The following PTPRN2 variants were observed in gnomAD, a reference collection of about 807,000 sequenced individuals.
PTPRN2 encodes protein tyrosine phosphatase receptor type N2, also known as receptor-type tyrosine-protein phosphatase N2.
In PTPRN2, 74 loss-of-function variants were observed where a neutral mutation model predicts 118.8. The observed-to-expected ratio is 0.62, with a 90% CI of 0.52 to 0.76. The LOEUF is 0.76. Among genes scored for constraint, PTPRN2 ranks in the 30% least tolerant of loss-of-function variants. The pLI is 0.00. For synonymous variants in PTPRN2, 641 were observed against 608.0 expected (o/e 1.05, Z -0.80); for missense variants, 1,481 against 1,394.4 (o/e 1.06, Z -0.99).
intron 22 of PTPRN2, 77 bp downstream of exon 22, chr7:157,548,869 C>G: frequency 7.1e-7 from 1 of 1,398,656 alleles, no homozygotes; most frequent in Non-Finnish European, 1.0e-6. Context: ...CAGGCCCTCC[C>G]CGTGCTCCTC....
At chr7:157,799,284 C>T (rs773110666) in intron 12 of PTPRN2, among the ~76,000 whole-genome samples, 11 of 152,146 alleles carry the variant, frequency 7.2e-5, no homozygotes, top group Non-Finnish European at 1.6e-4. Context: ...CAGCCCTGCT[C>T]TCTGCTGTCA....
chr7:157,751,254 G>A (rs1006734770), intron 12 of PTPRN2, among the ~76,000 whole-genome samples: 2 of 152,202 alleles, frequency 1.3e-5, no homozygotes, highest in Non-Finnish European at 2.9e-5. Context: ...ATATCCCGAG[G>A]AGAGAGACAG....
In PTPRN2 at chr7:158,200,370, C is replaced by T. The variant is rs565409101; in HGVS notation, c.380+4801G>A. On this transcript the variant is annotated intron_variant, in intron 4 of 22. Transcript: ENST00000389418. Reference sequence around the variant, plus strand: ...ATCCACTAATGATGGACGCCGAGGACGAGCTGACGCAGCCCCCGTGTGCTA... The same window carrying T: ...ATCCACTAATGATGGACGCCGAGGATGAGCTGACGCAGCCCCCGTGTGCTA... Among the ~76,000 whole-genome samples, 27 of 152,312 alleles carry T rather than the reference C, an allele frequency of 1.8e-4. 1 individual carries two copies. In the South Asian group the frequency reaches 4.6e-3, roughly 26 times the overall value.
At chr7:158,171,268 C>CAT (rs1266622555) in intron 5 of PTPRN2, among the ~76,000 whole-genome samples, 5 of 97,454 alleles carry the variant, frequency 5.1e-5, no homozygotes, top group Admixed American at 3.3e-4. Context: ...TATATACACA[C>CAT]ATATATACAC....
In PTPRN2 at chr7:157,794,738, G is replaced by A. The variant is rs1295808086; in HGVS notation, c.1788+103935C>T. Among the ~76,000 whole-genome samples the A allele has an allele frequency of 1.3e-5, 2 of 152,214 alleles. No individual in the cohort carries two copies. Among genetic ancestry groups the A allele is most frequent in the Non-Finnish European group, 2.9e-5 (2 of 68,038 alleles). On this transcript the variant is annotated intron_variant, in intron 12 of 22. Coordinates refer to ENST00000389418, the MANE Select transcript of PTPRN2 (RefSeq NM_002847.5). The surrounding 1 kb of genome is among the most constrained non-coding windows in gnomAD (Gnocchi z 5.2). ...CCCAGCCTGAAACCACGATAAATGT[G>A]TGGAGTTGTGGAGACAGCTCACCAG...
At chr7:157,650,739 C>T (rs1318320079) in intron 14 of PTPRN2, among the ~76,000 whole-genome samples, 5 of 152,198 alleles carry the variant, frequency 3.3e-5, no homozygotes, top group African/African-American at 7.2e-5. Context: ...GCCAAGGCCC[C>T]GGCACTGGTG....
intron 1 of PTPRN2, among the ~76,000 whole-genome samples, chr7:158,497,622 C>T (rs1822047794): frequency 6.6e-6 from 1 of 152,194 alleles, no homozygotes. Flanking sequence ...GATGGGTGCC[C>T]CATCCTGAGG....
chr7:158,149,378 G>A (rs182800766), intron 6 of PTPRN2, among the ~76,000 whole-genome samples: 74 of 151,642 alleles, frequency 4.9e-4, no homozygotes, highest in East Asian at 1.7e-3. Context: ...AATCTAACCA[G>A]TGTCTTTTCA....
intron 11 of PTPRN2, among the ~76,000 whole-genome samples, chr7:157,946,010 G>A (rs529176897): frequency 5.9e-5 from 9 of 152,214 alleles, no homozygotes; most frequent in South Asian, 4.2e-4. Context: ...TCTCAGTTCC[G>A]ACAGTGTGAG....
intron 13 of PTPRN2, among the ~76,000 whole-genome samples, chr7:157,663,184 C>A (rs1048470168): frequency 1.3e-5 from 2 of 152,114 alleles, no homozygotes; most frequent in Admixed American, 6.6e-5. Flanking sequence ...CGACTCCCTG[C>A]AGGTACGGCA....
intron 2 of PTPRN2, among the ~76,000 whole-genome samples, chr7:158,422,648 G>C (rs1000579076): frequency 6.8e-6 from 1 of 146,546 alleles, no homozygotes; most frequent in Non-Finnish European, 1.5e-5. Context: ...GCCACCCTTC[G>C]GACGTGGTCT....
chr7:158,578,019 G>A (rs531830135), intron 1 of PTPRN2, among the ~76,000 whole-genome samples: 8 of 152,154 alleles, frequency 5.3e-5, no homozygotes, highest in Admixed American at 2.6e-4. Context: ...CACTCACCTC[G>A]CTTCAGAAGA....
chr7:157,819,449 C>T (rs1167071009), intron 12 of PTPRN2, among the ~76,000 whole-genome samples: 1 of 152,166 alleles, frequency 6.6e-6, no homozygotes, highest in Non-Finnish European at 1.5e-5. Context: ...GGAAGAAGCG[C>T]GAGGGCGCCC....
At chr7:158,419,642 A>C (rs1815085996) in intron 2 of PTPRN2, among the ~76,000 whole-genome samples, 1 of 152,078 alleles carries the variant, frequency 6.6e-6, no homozygotes, top group Admixed American at 6.6e-5. Flanking sequence ...CTGCAGCTGG[A>C]ATGAGTGAAA....
At chr7:157,543,425 C>T (rs531472369) in intron 22 of PTPRN2, among the ~76,000 whole-genome samples, 1 of 152,360 alleles carries the variant, frequency 6.6e-6, no homozygotes, top group African/African-American at 2.4e-5. Flanking sequence ...GTCACCACCC[C>T]TGGGTCCACG....
At chr7:157,775,123 G>A (rs375241083) in intron 12 of PTPRN2, among the ~76,000 whole-genome samples, 5 of 152,314 alleles carry the variant, frequency 3.3e-5, no homozygotes, top group South Asian at 4.1e-4. Flanking sequence ...ATGAAAACGC[G>A]AACAGTCTCG....
intron 6 of PTPRN2, among the ~76,000 whole-genome samples, chr7:158,153,996 G>A (rs1245979211): frequency 6.6e-6 from 1 of 152,188 alleles, no homozygotes; most frequent in African/African-American, 2.4e-5. Context: ...CAGCCATGCT[G>A]TAGGAACCAT....
intron 12 of PTPRN2, among the ~76,000 whole-genome samples, chr7:157,777,944 T>C (rs1224275055): frequency 6.9e-6 from 1 of 144,876 alleles, no homozygotes; most frequent in Non-Finnish European, 1.5e-5. Flanking sequence ...TGTATAACAT[T>C]AAAGGACCTT....
At chr7:157,759,363 C>T (rs1307594054) in intron 12 of PTPRN2, among the ~76,000 whole-genome samples, 1 of 152,234 alleles carries the variant, frequency 6.6e-6, no homozygotes, top group Non-Finnish European at 1.5e-5. Context: ...AGCTGGGAGG[C>T]CCTGCTTCCT....
Sources: allele counts gnomAD v4.1 joint callset (sites outside exome capture counted in the v4.1 genomes callset), GRCh38; gene constraint gnomAD v4.1.1; non-coding constraint Gnocchi (gnomAD v3.1); transcripts MANE v1.5; gene names NCBI Gene and HGNC (gene_info 2026-07-23, HGNC 2026-07-21).